The following DISP1 variants were observed in gnomAD, a reference collection of about 807,000 sequenced individuals.
DISP1 encodes the protein dispatched RND transporter family member 1.
A neutral mutation model predicts 37.3 loss-of-function variants in DISP1; 30 were observed. That is an observed-to-expected ratio of 0.80 (90% CI 0.60 to 1.09). The LOEUF (loss-of-function observed/expected upper bound fraction) is 1.09, where lower values mean the gene tolerates loss of function less well. DISP1 is among the 50% of genes least tolerant of loss of function. The pLI, the probability that DISP1 is intolerant of heterozygous loss-of-function variation, is 0.00. For missense variants in DISP1, 1,598 were observed against 1,879.5 expected (o/e 0.85, Z 2.77); for synonymous variants, 634 against 690.2 (o/e 0.92, Z 1.28).
chr1:222,905,197 T>C (rs996082371), intron 1 of DISP1, among the ~76,000 whole-genome samples: 9 of 152,216 alleles, frequency 5.9e-5, no homozygotes, highest in Non-Finnish European at 1.2e-4. Context: ...AGTTAAATAA[T>C]TTAAGAAATA....
At chr1:222,925,509 T>C (rs934576125) in intron 1 of DISP1, among the ~76,000 whole-genome samples, 2 of 152,198 alleles carry the variant, frequency 1.3e-5, no homozygotes, top group African/African-American at 2.4e-5. Flanking sequence ...GGCATACATA[T>C]GACATGAAAT....
chr1:222,980,091 A>G (rs1970380), intron 3 of DISP1, among the ~76,000 whole-genome samples: 142,932 of 152,242 alleles, frequency 0.94, 67,726 homozygotes, highest in East Asian at 1. Flanking sequence ...TATTGTAGTC[A>G]GTATATCCAG....
chr1:223,002,369 G>C lies in DISP1; in HGVS notation c.988-16G>C. Reference sequence around the variant, plus strand: ...AATTTAAACTGTAGTCCTTCTGCTTGTCTCTATCTCTGCAGATCAGATCTC... The same window carrying C: ...AATTTAAACTGTAGTCCTTCTGCTTCTCTCTATCTCTGCAGATCAGATCTC... On this transcript the variant is annotated splice_polypyrimidine_tract_variant and intron_variant, in intron 8 of 8. Transcript: ENST00000675850. 6.2e-6 allele frequency: 10 copies of C among 1,610,704 alleles called. No individual in the cohort carries two copies. Among genetic ancestry groups the C allele is most frequent in the Non-Finnish European group, 7.6e-6 (9 of 1,177,286 alleles).
intron 1 of DISP1, among the ~76,000 whole-genome samples, chr1:222,873,090 G>A (rs568250921): frequency 5.4e-4 from 82 of 152,250 alleles, no homozygotes; most frequent in African/African-American, 1.9e-3. Flanking sequence ...AGTTTTGAGT[G>A]AGTTTCTTAA....
At chr1:222,913,521 G>C (rs1672320545) in intron 1 of DISP1, among the ~76,000 whole-genome samples, 1 of 151,970 alleles carries the variant, frequency 6.6e-6, no homozygotes. Context: ...TATCTGTGAT[G>C]GGCTTCCTTT....
At chr1:222,904,050 T>C (rs969442208) in intron 1 of DISP1, among the ~76,000 whole-genome samples, 14 of 152,210 alleles carry the variant, frequency 9.2e-5, no homozygotes, top group Admixed American at 2.0e-4. Context: ...TCAAATTCCT[T>C]TTATGGAAAA....
intron 3 of DISP1, among the ~76,000 whole-genome samples, chr1:222,965,888 G>A (rs1029976469): frequency 1.3e-5 from 2 of 152,078 alleles, no homozygotes; most frequent in African/African-American, 4.8e-5. Context: ...AATTACCTGG[G>A]CATGGTAGTA....
chr1:222,837,109 G>A, intron 1 of DISP1: 1 of 398,492 alleles, frequency 2.5e-6, no homozygotes, highest in Non-Finnish European at 4.4e-6. Flanking sequence ...GGGCCGTTGG[G>A]ATGTGAAAGG....
chr1:222,851,239 T>C (rs1250431926), intron 1 of DISP1, among the ~76,000 whole-genome samples: 1 of 151,994 alleles, frequency 6.6e-6, no homozygotes, highest in Non-Finnish European at 1.5e-5. Context: ...GCTAATTTTG[T>C]ATTTTTAGTA....
chr1:222,947,988 A>G (rs1465879972), intron 3 of DISP1, among the ~76,000 whole-genome samples: 2 of 152,180 alleles, frequency 1.3e-5, no homozygotes, highest in Non-Finnish European at 2.9e-5. Flanking sequence ...TTGGTGGATG[A>G]TTGGATATCG....
At chr1:222,857,699 A>G (rs556922809) in intron 1 of DISP1, among the ~76,000 whole-genome samples, 86 of 152,246 alleles carry the variant, frequency 5.6e-4, no homozygotes, top group African/African-American at 1.9e-3. Context: ...CAAAGAGAAT[A>G]AAATACCTAG....
rs71178523 is a variant in DISP1, at chr1:222,992,864, A to ATTTT, written c.889+765_889+768dup. Reference sequence around the variant, plus strand: ...ACTTGCCAGAGGTCAAAAACCCAGAATTTTTTTTTTTTTTGAGACAGAGTT... The same window carrying ATTTT: ...ACTTGCCAGAGGTCAAAAACCCAGAATTTTTTTTTTTTTTTTTTGAGACAGAGTT... On this transcript the variant is annotated intron_variant, in intron 7 of 8. Coordinates refer to ENST00000675850, the MANE Select transcript of DISP1 (RefSeq NM_001377229.1). 5.9e-5 allele frequency among the ~76,000 whole-genome samples: 7 copies of ATTTT among 118,612 alleles called. 1 individual carries two copies. The highest frequency in any genetic ancestry group is 5.1e-5 in the Non-Finnish European group (3 of 59,300). 77.8% of individuals were successfully genotyped at this position (118,612 alleles called of 152,430 possible). A position where few individuals can be genotyped will look rare whatever the true frequency, so the allele number is the denominator to read the frequency against.
chr1:223,004,671 G>A lies in DISP1; in HGVS notation c.3274G>A (p.Val1092Met), dbSNP rs151272947. 3.0e-5 allele frequency: 48 copies of A among 1,613,982 alleles called. No homozygotes were observed. Among genetic ancestry groups the A allele is most frequent in the Admixed American group, 3.3e-5 (2 of 59,992 alleles). Residue 1092 changes from valine to methionine, a missense_variant, in exon 9 of 9, where the codon GTG becomes ATG. By Grantham distance (21) the Val-to-Met change is conservative. Transcript: ENST00000675850. The surrounding 1 kb of genome is among the most constrained non-coding windows in gnomAD (Gnocchi z 4.9). ...GGCCATGGCTGCCCTGACCACCTTC[G>A]TGGCAGGGGCCATGATGATGCCCTC... is the stretch of plus-strand genomic sequence containing the variant. Reference protein sequence around the residue: ...AMAMAALTTFVAGAMMMPSTV... With the variant: ...AMAMAALTTFMAGAMMMPSTV...
chr1:222,976,414 G>A (rs1156614482), intron 3 of DISP1, among the ~76,000 whole-genome samples: 1 of 152,100 alleles, frequency 6.6e-6, no homozygotes, highest in Admixed American at 6.6e-5. Context: ...AAAGAAGGCA[G>A]CACTGTAAAT....
chr1:222,869,044 G>A (rs889342051), intron 1 of DISP1, among the ~76,000 whole-genome samples: 1 of 151,966 alleles, frequency 6.6e-6, no homozygotes, highest in Non-Finnish European at 1.5e-5. Context: ...CCTTCCTTTT[G>A]CCAAGAAATG....
intron 3 of DISP1, among the ~76,000 whole-genome samples, chr1:222,957,524 G>A (rs1160704240): frequency 6.6e-6 from 1 of 152,156 alleles, no homozygotes. Flanking sequence ...AGGAGGTGGA[G>A]GTTGCAGTGA....
intron 1 of DISP1, among the ~76,000 whole-genome samples, chr1:222,862,863 G>A (rs933915730): frequency 1.3e-5 from 2 of 151,948 alleles, no homozygotes. Context: ...TTTTTTTTCT[G>A]TCTGGTACCC....
At chr1:222,838,085 C>T (rs888897569) in intron 1 of DISP1, among the ~76,000 whole-genome samples, 5 of 152,098 alleles carry the variant, frequency 3.3e-5, no homozygotes, top group Admixed American at 2.0e-4. Flanking sequence ...TCATATATGT[C>T]GACTTACTAA....
intron 1 of DISP1, among the ~76,000 whole-genome samples, chr1:222,901,825 C>G (rs186958027): frequency 6.6e-6 from 1 of 152,176 alleles, no homozygotes; most frequent in Non-Finnish European, 1.5e-5. Flanking sequence ...CTGTCCAATA[C>G]TTATAGATTT....
Sources: gnomAD v4.1 joint callset for allele counts (sites outside exome capture counted in the v4.1 genomes callset) on GRCh38, gnomAD v4.1.1 for gene constraint, Gnocchi (gnomAD v3.1) non-coding constraint, MANE v1.5 for transcripts, NCBI Gene and HGNC (gene_info 2026-07-23, HGNC 2026-07-21) for gene names.